Variants in LMF1 observed in about 807,000 individuals in gnomAD.
The protein encoded by LMF1 is transmembrane protein 112.
In LMF1, 68 loss-of-function variants were observed where a neutral mutation model predicts 60.6. The observed-to-expected ratio is 1.12, with a 90% CI of 0.92 to 1.37. The LOEUF (loss-of-function observed/expected upper bound fraction) is 1.37. Among genes scored for constraint, LMF1 ranks in the 40% most tolerant of loss-of-function variants. LMF1 has a pLI of 0.00. For missense variants in LMF1, 948 were observed against 767.2 expected (o/e 1.24, Z -2.78); for synonymous variants, 418 against 324.7 (o/e 1.29, Z -3.09).
upstream of LMF1, among the ~76,000 whole-genome samples, chr16:973,205 T>G (rs7187750): frequency 6.6e-6 from 1 of 151,876 alleles, no homozygotes; most frequent in African/African-American, 2.4e-5. Flanking sequence ...ATTAGCCAGG[T>G]GTGGTGGCGG....
chr16:979,350 A>G (rs1316226806), intron 1 of LMF1: 1 of 351,700 alleles, frequency 2.8e-6, no homozygotes, highest in African/African-American at 2.1e-5. Context: ...GTGCACCAAC[A>G]CGTCCTCAGC....
intron 4 of LMF1, among the ~76,000 whole-genome samples, chr16:904,550 A>G (rs1221640449): frequency 1.3e-3 from 43 of 32,438 alleles, no homozygotes; most frequent in Admixed American, 2.9e-3. Flanking sequence ...CAGGACGCCT[A>G]TCTCTGCTGT....
At chr16:867,525 G>A (rs981968816) in intron 10 of LMF1, among the ~76,000 whole-genome samples, 2 of 152,188 alleles carry the variant, frequency 1.3e-5, no homozygotes, top group South Asian at 2.1e-4. Flanking sequence ...CTCGAAGGAC[G>A]AGCTCTGGGG....
chr16:885,758 G>C (rs1393691214), intron 5 of LMF1, among the ~76,000 whole-genome samples: 3 of 152,214 alleles, frequency 2.0e-5, no homozygotes, highest in Admixed American at 6.5e-5. Context: ...AGCAGACATA[G>C]AGAAATCCAT....
At chr16:859,086 G>GTGTCTCGGGACGGGTGTGCAGTGA (rs1567135423) in intron 10 of LMF1, among the ~76,000 whole-genome samples, 9 of 119,242 alleles carry the variant, frequency 7.5e-5, no homozygotes, top group African/African-American at 3.5e-4. Flanking sequence ...GGTGTGAGTG[G>GTGTCTCGGGACGGGTGTGCAGTGA]TGTCTCGGGA....
intron 10 of LMF1, among the ~76,000 whole-genome samples, chr16:860,274 G>T (rs1442605199): frequency 6.6e-6 from 1 of 151,642 alleles, no homozygotes. Context: ...TCCTTTCACA[G>T]ATCATCTTTA....
At chr16:881,847 G>C (rs1337273557) in intron 5 of LMF1, among the ~76,000 whole-genome samples, 1 of 152,200 alleles carries the variant, frequency 6.6e-6, no homozygotes, top group Non-Finnish European at 1.5e-5. Flanking sequence ...TTTGGGGTGG[G>C]GGACTTTAAC....
At chr16:868,842 G>A (rs369101635) in intron 10 of LMF1, 102 bp downstream of exon 10, 277 of 759,410 alleles carry the variant, frequency 3.6e-4, no homozygotes, top group African/African-American at 1.4e-3. Flanking sequence ...GGGAAGGGGC[G>A]CTTCCCGTGA....
intron 4 of LMF1, chr16:903,564 C>G (rs1363579842): frequency 9.5e-6 from 1 of 105,414 alleles, no homozygotes; most frequent in Non-Finnish European, 1.9e-5. Flanking sequence ...CTCTGCACTG[C>G]CTGTGGGGAC....
At chr16:890,539 T>C (rs899260203) in intron 5 of LMF1, among the ~76,000 whole-genome samples, 4 of 152,092 alleles carry the variant, frequency 2.6e-5, no homozygotes, top group Non-Finnish European at 4.4e-5. Context: ...GCTCAGCCTG[T>C]CCTGGGATGT....
Position 854,085 on chromosome 16 carries a change from G to A in LMF1, c.*447C>T. ...GACGTGACAGGGACTTGGCTCTGAG[G>A]GTCAGGACCTGGCTGGGAACACACC... On this transcript the variant is annotated 3_prime_UTR_variant, in exon 11 of 11. Coordinates refer to ENST00000262301, the MANE Select transcript of LMF1 (RefSeq NM_022773.4). 6.6e-6 allele frequency: 3 copies of A among 457,084 alleles called. No individual in the cohort carries two copies. The highest frequency in any genetic ancestry group is 4.7e-5 in the South Asian group (3 of 64,504). 28.3% of individuals were successfully genotyped at this position (457,084 alleles called of 1,614,324 possible).
chr16:940,695 C>T (rs987495021), intron 2 of LMF1, among the ~76,000 whole-genome samples: 2 of 152,204 alleles, frequency 1.3e-5, no homozygotes, highest in Non-Finnish European at 2.9e-5. Context: ...AGTCTCAGAA[C>T]CGCAACCGTG....
At chr16:946,268 G>A (rs1423822182) in intron 2 of LMF1, among the ~76,000 whole-genome samples, 1 of 152,254 alleles carries the variant, frequency 6.6e-6, no homozygotes, top group Non-Finnish European at 1.5e-5. Flanking sequence ...AAGGGGAGGG[G>A]ACAGCTGGCT....
At chr16:892,735 C>T (rs1268296542) in intron 5 of LMF1, among the ~76,000 whole-genome samples, 2 of 152,220 alleles carry the variant, frequency 1.3e-5, no homozygotes, top group Non-Finnish European at 2.9e-5. Context: ...TGGGCAGGAC[C>T]AAGGACAGCA....
Position 954,405 on chromosome 16 carries a change from G to T in LMF1, c.455C>A (p.Ala152Asp). The T allele has an allele frequency of 6.2e-7, 1 of 1,613,048 alleles. No homozygotes were observed. Among genetic ancestry groups the T allele is most frequent in the Non-Finnish European group, 8.5e-7 (1 of 1,179,734 alleles). Residue 152 changes from alanine (A) to aspartate (D), a missense_variant, in exon 2 of 11, where the codon GCT (alanine) becomes GAT (aspartate). Coordinates refer to ENST00000262301, the MANE Select transcript of LMF1 (RefSeq NM_022773.4). ...GGACATGTAGAGGCCCCACAGGGCA[G>T]CCATGAGAAGCATGTTGGCGCAGCC... ...ITGCANMLLM[A>D]ALWGLYMSLV... is the part of the protein sequence containing the mutation.
At chr16:938,726 G>A (rs2072011967) in intron 2 of LMF1, among the ~76,000 whole-genome samples, 1 of 150,482 alleles carries the variant, frequency 6.6e-6, no homozygotes. Context: ...CGGACAGATG[G>A]ATGGATGGAC....
chr16:910,162 G>A (rs562208069), intron 4 of LMF1, among the ~76,000 whole-genome samples: 4 of 152,302 alleles, frequency 2.6e-5, no homozygotes, highest in Non-Finnish European at 2.9e-5. Context: ...GGACCACGTC[G>A]CTCCTGCTTT....
chr16:870,340 G>A (rs926056102), intron 8 of LMF1, among the ~76,000 whole-genome samples: 5 of 152,370 alleles, frequency 3.3e-5, no homozygotes, highest in African/African-American at 1.2e-4. Context: ...GGCAGCTCAG[G>A]GTGGACATGA....
intron 1 of LMF1, chr16:976,712 G>T: frequency 2.2e-6 from 1 of 454,160 alleles, no homozygotes; most frequent in Non-Finnish European, 4.4e-6. Context: ...CTCCCAGCCT[G>T]GAGTGACGGA....
Sources: gnomAD v4.1 joint callset for allele counts (sites outside exome capture counted in the v4.1 genomes callset) on GRCh38, gnomAD v4.1.1 for gene constraint, MANE v1.5 for transcripts, NCBI Gene and HGNC (gene_info 2026-07-23, HGNC 2026-07-21) for gene names.